Variants in RNF4 observed in about 807,000 individuals in gnomAD.
The protein encoded by RNF4 is ring finger protein 4.
A neutral mutation model predicts 24.3 loss-of-function variants in RNF4; 7 were observed. That is an observed-to-expected ratio of 0.29 (90% CI 0.16 to 0.54). The LOEUF is 0.54. Ranked by LOEUF, RNF4 falls within the 20% of genes least tolerant of loss-of-function variation. The probability of loss-of-function intolerance (pLI) is 0.95; values close to 1 mark genes in which losing one functional copy is unlikely to be tolerated. For missense variants in RNF4, 209 were observed against 248.5 expected (o/e 0.84, Z 1.07); for synonymous variants, 83 against 84.3 (o/e 0.98, Z 0.09).
chr4:2,497,160 A>G, intron 3 of RNF4, 39 bp downstream of exon 3: 19 of 1,481,048 alleles, frequency 1.3e-5, no homozygotes, highest in Non-Finnish European at 1.8e-5. Context: ...GGGGTGTTAA[A>G]GTGGAGAGAG....
intron 4 of RNF4, among the ~76,000 whole-genome samples, chr4:2,502,915 A>T (rs958580169): frequency 2.6e-5 from 4 of 151,244 alleles, no homozygotes; most frequent in African/African-American, 9.7e-5. Context: ...CAGTGGCATG[A>T]TCACACCTTA....
chr4:2,475,331 TTTTGTTTG>T (rs35342608), intron 1 of RNF4, among the ~76,000 whole-genome samples: 1 of 146,502 alleles, frequency 6.8e-6, no homozygotes, highest in Non-Finnish European at 1.5e-5. Context: ...GCACCTGGCT[TTTTGTTTG>T]TTTGTTTGTT....
chr4:2,480,077 C>T lies in RNF4; in HGVS notation c.-157-10260C>T, dbSNP rs182900600. 60 of 152,014 alleles carry T rather than the reference C, an allele frequency of 3.9e-4. No homozygotes were observed. In the East Asian group the frequency reaches 4.3e-3, roughly 11 times the overall value. 9.4% of individuals were successfully genotyped at this position (152,014 alleles called of 1,614,324 possible). On this transcript the variant is annotated intron_variant, in intron 1 of 7. Transcript: ENST00000314289. Reference sequence around the variant, plus strand: ...TCCTGAGTAACTGGGACTACAGGCACGTGCCACCACACCCTGCTAATTTTT... The same window carrying T: ...TCCTGAGTAACTGGGACTACAGGCATGTGCCACCACACCCTGCTAATTTTT...
chr4:2,469,329 T>C (rs1156434389), intron 1 of RNF4, 71 bp downstream of exon 1: 1 of 152,150 alleles, frequency 6.6e-6, no homozygotes, highest in Non-Finnish European at 1.5e-5. Flanking sequence ...CCCGCGCCTC[T>C]TGGGGGAGCC....
chr4:2,479,196 C>T (rs1228636783), intron 1 of RNF4, among the ~76,000 whole-genome samples: 1 of 152,138 alleles, frequency 6.6e-6, no homozygotes, highest in Non-Finnish European at 1.5e-5. Context: ...ATGCCTGCAC[C>T]CCCGTTGTAT....
chr4:2,492,981 G>T (rs192608236), intron 2 of RNF4, among the ~76,000 whole-genome samples: 1 of 152,308 alleles, frequency 6.6e-6, no homozygotes, highest in East Asian at 1.9e-4. Context: ...TGATAGGATG[G>T]TCAGTTTTCA....
At chr4:2,498,331 C>T (rs1560409221) in intron 3 of RNF4, among the ~76,000 whole-genome samples, 1 of 152,048 alleles carries the variant, frequency 6.6e-6, no homozygotes, top group Non-Finnish European at 1.5e-5. Flanking sequence ...TCATAGGCGC[C>T]CACCACCACA....
At chr4:2,513,558 C>T in intron 7 of RNF4, 112 bp from the exon 8 acceptor site, 1 of 1,316,948 alleles carries the variant, frequency 7.6e-7, no homozygotes, top group Non-Finnish European at 1.1e-6. Context: ...TAGCCTGGCC[C>T]TTGCTTTCCT....
intron 3 of RNF4, chr4:2,499,424 G>GCC: frequency 5.7e-6 from 2 of 353,692 alleles, no homozygotes; most frequent in Non-Finnish European, 1.1e-5. Flanking sequence ...TTACAGGCAT[G>GCC]TGCCACCACA....
chr4:2,500,150 C>T lies in RNF4; in HGVS notation c.125-509C>T, dbSNP rs555520117. On this transcript the variant is annotated intron_variant, in intron 3 of 7. Transcript: ENST00000314289. ...CCAGCCTTGGCGACAGAGCGAGACT[C>T]TGTCTCAAAAAAAAAAAAAAAAAAA... Among the ~76,000 whole-genome samples, 317 of 127,798 alleles carry T rather than the reference C, an allele frequency of 2.5e-3. 1 individual carries two copies. Among genetic ancestry groups the T allele is most frequent in the African/African-American group, 9.1e-3 (296 of 32,416 alleles). 83.8% of individuals were successfully genotyped at this position (127,798 alleles called of 152,430 possible). A position where few individuals can be genotyped will look rare whatever the true frequency, so the allele number is the denominator to read the frequency against.
chr4:2,496,508 T>G lies in RNF4; in HGVS notation c.10-499T>G, dbSNP rs1007867846. ...TGGAGTCTCACACTGTCACCCGGGC[T>G]AGAGTACAGTGACGCGATCTCGCCT... On this transcript the variant is annotated intron_variant, in intron 2 of 7. Coordinates refer to ENST00000314289, the MANE Select transcript of RNF4 (RefSeq NM_002938.5). Among the ~76,000 whole-genome samples the G allele has an allele frequency of 2.0e-4, 30 of 152,174 alleles. 1 individual carries two copies. The highest frequency in any genetic ancestry group is 1.6e-3 in the Admixed American group (24 of 15,266).
intron 3 of RNF4, among the ~76,000 whole-genome samples, chr4:2,498,245 G>T (rs765728770): frequency 1.3e-5 from 2 of 152,010 alleles, no homozygotes; most frequent in South Asian, 4.1e-4. Context: ...GTGCAATCGC[G>T]TGATCTCGGC....
intron 7 of RNF4, 48 bp from the exon 8 acceptor site, chr4:2,513,622 T>C (rs1316579510): frequency 6.2e-7 from 1 of 1,608,516 alleles, no homozygotes; most frequent in Non-Finnish European, 8.5e-7. Context: ...CCATGGCTGC[T>C]CTGGGACAAG....
chr4:2,485,996 AT>A (rs1253313505), intron 1 of RNF4, among the ~76,000 whole-genome samples: 1 of 152,170 alleles, frequency 6.6e-6, no homozygotes, highest in Non-Finnish European at 1.5e-5. Context: ...GAATTGATGT[AT>A]TTGATTCTGG....
At chr4:2,503,180 GT>G (rs1395173227) in intron 4 of RNF4, among the ~76,000 whole-genome samples, 1 of 152,124 alleles carries the variant, frequency 6.6e-6, no homozygotes, top group Non-Finnish European at 1.5e-5. Context: ...GGCCAGCTTT[GT>G]TTTGTTTTGA....
At position 2,497,093 on chromosome 4, in the gene RNF4, A is replaced by C; in HGVS notation, c.96A>C (p.Glu32Asp). 4 of 1,609,172 alleles carry C rather than the reference A, an allele frequency of 2.5e-6. No homozygotes were observed. The highest frequency in any genetic ancestry group is 3.4e-6 in the Non-Finnish European group (4 of 1,177,900). ...CCTCCACCCCCGAGATCTCCTTGGA[A>C]GCAGAACCCATAGAACTCGTGGAAA... ...EATSTPEISL[E>D]AEPIELVETA... Residue 32 changes from glutamate (E) to aspartate (D), a missense_variant, in exon 3 of 8, where the codon GAA becomes GAC. Glu to Asp is a conservative substitution (Grantham distance 45). Transcript: ENST00000314289.
intron 1 of RNF4, among the ~76,000 whole-genome samples, chr4:2,482,864 T>C (rs1454896695): frequency 6.6e-6 from 1 of 152,204 alleles, no homozygotes; most frequent in Non-Finnish European, 1.5e-5. Flanking sequence ...TCATTGGCTG[T>C]GTGCCGGCTT....
intron 1 of RNF4, among the ~76,000 whole-genome samples, chr4:2,487,767 G>A (rs1294036200): frequency 6.6e-6 from 1 of 152,180 alleles, no homozygotes; most frequent in African/African-American, 2.4e-5. Flanking sequence ...CATAGTATGG[G>A]CCAGCCTAAG....
chr4:2,496,048 G>A (rs1560408196), intron 2 of RNF4, among the ~76,000 whole-genome samples: 1 of 152,242 alleles, frequency 6.6e-6, no homozygotes, highest in East Asian at 1.9e-4. Context: ...AAGAAAGGCT[G>A]GTCAGAGTGT....
Sources: allele counts gnomAD v4.1 joint callset (sites outside exome capture counted in the v4.1 genomes callset), GRCh38; gene constraint gnomAD v4.1.1; transcripts MANE v1.5; gene names NCBI Gene and HGNC (gene_info 2026-07-23, HGNC 2026-07-21).